Variants in GRSF1 observed in about 807,000 individuals in gnomAD.
The protein encoded by GRSF1 is G-rich RNA sequence binding factor 1.
Under a neutral mutation model 51.1 loss-of-function variants are expected in GRSF1, and 50 were observed. That is an observed-to-expected ratio of 0.98 (90% confidence interval 0.78 to 1.24). GRSF1 has a LOEUF of 1.24. Among genes scored for constraint, GRSF1 ranks in the 50% most tolerant of loss-of-function variants. The pLI, the probability that GRSF1 is intolerant of heterozygous loss-of-function variation, is 0.00. For missense variants in GRSF1, 700 were observed against 639.7 expected (o/e 1.09, Z -1.02); for synonymous variants, 293 against 253.3 (o/e 1.16, Z -1.49).
intron 5 of GRSF1, among the ~76,000 whole-genome samples, chr4:70,829,606 T>C (rs1274006891): frequency 1.3e-5 from 2 of 152,048 alleles, no homozygotes; most frequent in Non-Finnish European, 2.9e-5. Flanking sequence ...GTGAGCTGTA[T>C]CACACAACTG....
At chr4:70,827,469 T>C (rs773239527) in intron 6 of GRSF1, among the ~76,000 whole-genome samples, 4 of 152,142 alleles carry the variant, frequency 2.6e-5, no homozygotes, top group Admixed American at 6.6e-5. Flanking sequence ...TTTCTGCATA[T>C]ACTCAAAGTA....
In GRSF1 at chr4:70,825,347, CA is replaced by C. The variant is rs1560594985; in HGVS notation, c.1341del (p.Phe447LeufsTer27). The part of the protein sequence containing the change: ...GKATGEADVH[F>X]ETHEDAVAAM... ...GCTGCAACAGCATCCTCATGGGTCTCAAAGTGCACATCAGCTTCTCCAGTGG... is the reference window on the plus strand; with the variant it reads ...GCTGCAACAGCATCCTCATGGGTCTCAAGTGCACATCAGCTTCTCCAGTGG... On this transcript the variant is annotated frameshift_variant, in exon 8 of 10. Transcript: ENST00000254799. LOFTEE classifies it high-confidence loss of function. The C allele has an allele frequency of 6.2e-7, 1 of 1,611,990 alleles. No homozygotes were observed. The highest frequency in any genetic ancestry group is 8.5e-7 in the Non-Finnish European group (1 of 1,178,510).
chr4:70,825,891 C>G, intron 7 of GRSF1: 1 of 418,014 alleles, frequency 2.4e-6, no homozygotes, highest in South Asian at 2.5e-5. Flanking sequence ...AAGTTCACTC[C>G]ACTGCACTCC....
upstream of GRSF1, chr4:70,839,907 TG>T (rs890664538): frequency 5.5e-6 from 7 of 1,281,504 alleles, no homozygotes; most frequent in African/African-American, 7.9e-5. Context: ...CAGGGCCGGT[TG>T]GGGGTGGGGT....
intron 1 of GRSF1, chr4:70,839,043 C>A: frequency 1.0e-6 from 1 of 991,134 alleles, no homozygotes; most frequent in Non-Finnish European, 1.3e-6. Flanking sequence ...GCGCCGAGGG[C>A]CGCCCAGGCC....
chr4:70,825,905 C>T (rs1174014535), intron 7 of GRSF1: 3 of 443,982 alleles, frequency 6.8e-6, no homozygotes, highest in Non-Finnish European at 1.2e-5. Context: ...GCACTCCAGC[C>T]TGGGCGACAG....
intron 1 of GRSF1, among the ~76,000 whole-genome samples, chr4:70,838,604 T>TA (rs1578311710): frequency 6.6e-6 from 1 of 152,122 alleles, no homozygotes; most frequent in African/African-American, 2.4e-5. Flanking sequence ...GCTGGGTAGT[T>TA]AAAAAGTGTG....
At chr4:70,843,195 A>T (rs1560607125), upstream of GRSF1, among the ~76,000 whole-genome samples, 2 of 152,252 alleles carry the variant, frequency 1.3e-5, no homozygotes, top group African/African-American at 4.8e-5. Context: ...GCTGAAACTA[A>T]GTTTATTTGA....
chr4:70,839,467 GT>G lies in GRSF1; in HGVS notation c.357+3del. On this transcript the variant is annotated splice_donor_region_variant and intron_variant, in intron 1 of 9. Coordinates refer to ENST00000254799, the MANE Select transcript of GRSF1 (RefSeq NM_002092.4). ...GCGCCAGGTCCCTCACGGCGCCCAC[GT>G]ACCTGGCTGTAGCTGCGCGTCGGGA... 1 of 1,455,398 alleles carries G rather than the reference GT, an allele frequency of 6.9e-7. No homozygotes were observed. The highest frequency in any genetic ancestry group is 9.0e-7 in the Non-Finnish European group (1 of 1,111,862). The allele number at this position is 1,455,398 out of a possible 1,614,324, so 90.2% of individuals were successfully genotyped here.
At chr4:70,831,141 A>G (rs1733950546) in intron 5 of GRSF1, among the ~76,000 whole-genome samples, 1 of 151,946 alleles carries the variant, frequency 6.6e-6, no homozygotes, top group East Asian at 1.9e-4. Context: ...GCGGATCACA[A>G]GGTCGAGAGA....
chr4:70,835,097 A>G (rs1734143894), intron 2 of GRSF1, among the ~76,000 whole-genome samples: 1 of 151,970 alleles, frequency 6.6e-6, no homozygotes, highest in East Asian at 1.9e-4. Flanking sequence ...CTCCAGCACC[A>G]CCCACATTGC....
At chr4:70,835,695 C>A (rs1423866683) in intron 2 of GRSF1, among the ~76,000 whole-genome samples, 1 of 152,128 alleles carries the variant, frequency 6.6e-6, no homozygotes, top group Non-Finnish European at 1.5e-5. Flanking sequence ...CCCGCCTCGG[C>A]CTCCCAAAGT....
Position 70,839,859 on chromosome 4 carries a change from A to C in GRSF1, c.-32T>G. The C allele has an allele frequency of 6.9e-7, 1 of 1,452,886 alleles. No homozygotes were observed. Among genetic ancestry groups the C allele is most frequent in the South Asian group, 1.4e-5 (1 of 74,072 alleles). 90.0% of individuals were successfully genotyped at this position (1,452,886 alleles called of 1,614,324 possible). A position where few individuals can be genotyped will look rare whatever the true frequency, so the allele number is the denominator to read the frequency against. On this transcript the variant is annotated 5_prime_UTR_variant, in exon 1 of 10. Coordinates refer to ENST00000254799, the MANE Select transcript of GRSF1 (RefSeq NM_002092.4). ...CGGAGGCGGCGCAGGGCCTGAAGGC[A>C]GCTGCTCCAGCAGCGATGGTGGAAC...
chr4:70,830,067 A>C (rs182491631), intron 5 of GRSF1, among the ~76,000 whole-genome samples: 106 of 152,336 alleles, frequency 7.0e-4, no homozygotes, highest in Middle Eastern at 6.8e-3. Flanking sequence ...AACTGATCTA[A>C]TTTCTTCAAA....
Position 70,819,062 on chromosome 4 carries a change from G to A in GRSF1, c.*1825C>T, listed in dbSNP as rs1458866361. On this transcript the variant is annotated 3_prime_UTR_variant, in exon 10 of 10. Coordinates refer to ENST00000254799, the MANE Select transcript of GRSF1 (RefSeq NM_002092.4). ...GATTTCCCAATAATGGCCACATTTTGTACAGAAAACTCAGCCTGTAGCGTG... is the reference window on the plus strand; with the variant it reads ...GATTTCCCAATAATGGCCACATTTTATACAGAAAACTCAGCCTGTAGCGTG... 6.6e-6 allele frequency: 1 copy of A among 152,124 alleles called. No homozygotes were observed. The highest frequency in any genetic ancestry group is 1.5e-5 in the Non-Finnish European group (1 of 68,022). The allele number at this position is 152,124 out of a possible 1,614,324, so 9.4% of individuals were successfully genotyped here. A position where few individuals can be genotyped will look rare whatever the true frequency, so the allele number is the denominator to read the frequency against.
chr4:70,836,931 C>T (rs909975064), intron 1 of GRSF1, among the ~76,000 whole-genome samples: 1 of 152,122 alleles, frequency 6.6e-6, no homozygotes, highest in Non-Finnish European at 1.5e-5. Context: ...AAATTAGGAG[C>T]CAAAGAAGGT....
At chr4:70,833,031 CATT>C (rs530877481) in intron 3 of GRSF1, 84 bp downstream of exon 3, 5 of 1,137,752 alleles carry the variant, frequency 4.4e-6, no homozygotes, top group Non-Finnish European at 6.4e-6. Context: ...CTAAATACTT[CATT>C]ATTAAGGATC....
intron 5 of GRSF1, among the ~76,000 whole-genome samples, chr4:70,830,290 A>C (rs534926686): frequency 1.3e-4 from 20 of 152,182 alleles, no homozygotes; most frequent in Admixed American, 8.5e-4. Flanking sequence ...GCACACACAC[A>C]TACACACAGC....
chr4:70,826,309 A>G (rs911169482), intron 6 of GRSF1, 64 bp from the exon 7 acceptor site: 7 of 1,375,466 alleles, frequency 5.1e-6, no homozygotes, highest in Non-Finnish European at 7.0e-6. Context: ...AACAGATTCT[A>G]ATTAGGTATG....
Sources: gnomAD v4.1 joint callset for allele counts (sites outside exome capture counted in the v4.1 genomes callset) on GRCh38, gnomAD v4.1.1 for gene constraint, MANE v1.5 for transcripts, NCBI Gene and HGNC (gene_info 2026-07-23, HGNC 2026-07-21) for gene names.